The following DNAH1 variants were observed in gnomAD, a reference collection of about 807,000 sequenced individuals.
The protein encoded by DNAH1 is axonemal beta dynein heavy chain 1.
In DNAH1, 327 loss-of-function variants were observed where a neutral mutation model predicts 484.3. That is an observed-to-expected ratio of 0.68 (90% CI 0.62 to 0.74). DNAH1 has a LOEUF of 0.74. Ranked by LOEUF, DNAH1 falls within the 30% of genes least tolerant of loss-of-function variation. The pLI is 0.00. For synonymous variants in DNAH1, 2,192 were observed against 2,191.9 expected (o/e 1.00, Z 0.00); for missense variants, 5,052 against 5,546.8 (o/e 0.91, Z 2.83).
Position 52,354,919 on chromosome 3 carries a change from T to G in DNAH1, c.3557T>G (p.Ile1186Ser). 1 of 1,613,930 alleles carries G rather than the reference T, an allele frequency of 6.2e-7. No homozygotes were observed. The highest frequency in any genetic ancestry group is 8.5e-7 in the Non-Finnish European group (1 of 1,179,876). ...CCCTACAAGGCGACAGACACCTACA[T>G]CCTGAAGAGCCCGGACGAGGCCTCA... is the stretch of plus-strand genomic sequence containing the variant. ...VLPYKATDTY[I>S]LKSPDEASQL... Residue 1186 changes from isoleucine (I) to serine (S), a missense_variant, in exon 21 of 78, where the codon ATC becomes AGC. Physicochemically the swap from Ile to Ser is moderately radical, Grantham distance 142 (BLOSUM62 -2). This residue lies in a region of DNAH1 where 2,929 missense variants were observed against 3,409.4 expected (regional missense o/e 0.86). Transcript: ENST00000420323.
Position 52,383,578 on chromosome 3 carries a change from A to C in DNAH1, c.8134A>C (p.Met2712Leu). The C allele has an allele frequency of 6.3e-7, 1 of 1,594,326 alleles. No homozygotes were observed. The highest frequency in any genetic ancestry group is 8.5e-7 in the Non-Finnish European group (1 of 1,170,008). The change falls in exon 51 of 78, where the codon ATG (methionine) becomes CTG (leucine). Residue 2712 changes from methionine (M) to leucine (L), a missense_variant. Physicochemically the swap from Met to Leu is conservative, Grantham distance 15 (BLOSUM62 2). Around this residue, in one of 4 missense-constraint regions of DNAH1, gnomAD observed 2,929 missense variants for 3,409.4 expected, o/e 0.86. Coordinates refer to ENST00000420323, the MANE Select transcript of DNAH1 (RefSeq NM_015512.5). ...AGGGCGTGTGCGCAGCAACATCCAC[A>C]TGGTGCTGTGCATGAGGTACAGGCA... is the stretch of plus-strand genomic sequence containing the variant. ...YTGRVRSNIH[M>L]VLCMSPIGEV...
chr3:52,346,174 A>C (rs1578110805), intron 10 of DNAH1, among the ~76,000 whole-genome samples: 1 of 151,872 alleles, frequency 6.6e-6, no homozygotes, highest in East Asian at 1.9e-4. Flanking sequence ...TGCTTCTCTC[A>C]TCTCAATCTC....
chr3:52,374,544 C>G (rs181599571), intron 44 of DNAH1: 3 of 1,497,392 alleles, frequency 2.0e-6, no homozygotes, highest in Non-Finnish European at 2.8e-6. Flanking sequence ...GCCCCTCTTC[C>G]GGCAGTTGGC....
chr3:52,314,803 T>C (rs1700895519), upstream of DNAH1, among the ~76,000 whole-genome samples: 1 of 152,014 alleles, frequency 6.6e-6, no homozygotes, highest in African/African-American at 2.4e-5. Context: ...TGGAAGATCA[T>C]AGAAAAACAA....
At chr3:52,359,733 G>A (rs758527373) in intron 26 of DNAH1, among the ~76,000 whole-genome samples, 183 bp from the exon 27 acceptor site, 1 of 152,248 alleles carries the variant, frequency 6.6e-6, no homozygotes, top group Non-Finnish European at 1.5e-5. Flanking sequence ...GCAGACGCCA[G>A]GCATGTGCCT....
In DNAH1 at chr3:52,370,766, G is replaced by C; in HGVS notation, c.6466G>C (p.Glu2156Gln). Residue 2156 changes from glutamate (E) to glutamine (Q), a missense_variant, in exon 41 of 78, where the codon GAG becomes CAG. Around this residue, in one of 4 missense-constraint regions of DNAH1, gnomAD observed 2,929 missense variants for 3,409.4 expected, o/e 0.86. Coordinates refer to ENST00000420323, the MANE Select transcript of DNAH1 (RefSeq NM_015512.5). ...GGGGCTGGTGTTCGATTACAGGCTG[G>C]AGGACGCGGGCATCAGTGGCACCAA... is the stretch of plus-strand genomic sequence containing the variant. ...EEGLVFDYRL[E>Q]DAGISGTNDS... The C allele has an allele frequency of 6.2e-7, 1 of 1,608,284 alleles. No individual in the cohort carries two copies. Among genetic ancestry groups the C allele is most frequent in the Non-Finnish European group, 8.5e-7 (1 of 1,177,702 alleles).
chr3:52,358,732 C>A lies in DNAH1; in HGVS notation c.4261C>A (p.Pro1421Thr), dbSNP rs1702724857. Residue 1421 changes from proline (P) to threonine (T), a missense_variant, in exon 25 of 78, where the codon CCC becomes ACC. Coordinates refer to ENST00000420323, the MANE Select transcript of DNAH1 (RefSeq NM_015512.5). The surrounding 1 kb of genome is among the most constrained non-coding windows in gnomAD (Gnocchi z 4.2). ...DIIEKAIRAY[P>T]TMPRTQWVLN... ...CATTGAGAAGGCCATCAGGGCCTAC[C>A]CCACGGTGAGCCGCCCGCAGCCCGT... 3.7e-6 allele frequency: 6 copies of A among 1,612,166 alleles called. No individual in the cohort carries two copies. In the African/African-American group the frequency reaches 5.3e-5, roughly 14 times the overall value.
rs1704661148 is a variant in DNAH1 at position 52,396,941 on chromosome 3, TG to T, written c.11685del (p.Met3895IlefsTer93). ...GATGACTGGGACCGGCGCTGCATCA[TG>T]AACATCTTGGAGGACTTCTACAACC... ...VTDDWDRRCIMNILEDFYNPD... is the reference protein window; with the variant it reads ...VTDDWDRRCIXNILEDFYNPD... On this transcript the variant is annotated frameshift_variant, in exon 73 of 78. Transcript: ENST00000420323. LOFTEE classifies it high-confidence loss of function. The T allele has an allele frequency of 6.2e-7, 1 of 1,604,332 alleles. No homozygotes were observed.
chr3:52,343,756 CAG>C (rs1702033057), intron 8 of DNAH1, among the ~76,000 whole-genome samples: 1 of 152,140 alleles, frequency 6.6e-6, no homozygotes, highest in African/African-American at 2.4e-5. Flanking sequence ...ACTCAAGGAA[CAG>C]AAAGGCCTGT....
chr3:52,321,919 G>A (rs1701163090), intron 1 of DNAH1, among the ~76,000 whole-genome samples: 2 of 152,156 alleles, frequency 1.3e-5, no homozygotes, highest in Non-Finnish European at 2.9e-5. Flanking sequence ...GTGCTAGGGA[G>A]GCTCATGCAC....
In DNAH1 at chr3:52,361,068, G is replaced by A; in HGVS notation, c.4686-96G>A. The A allele has an allele frequency of 8.2e-7, 1 of 1,225,208 alleles. No individual in the cohort carries two copies. The highest frequency in any genetic ancestry group is 3.0e-5 in the East Asian group (1 of 33,106). The allele number at this position is 1,225,208 out of a possible 1,614,324, so 75.9% of individuals were successfully genotyped here. On this transcript the variant is annotated intron_variant, in intron 28 of 77. Coordinates refer to ENST00000420323, the MANE Select transcript of DNAH1 (RefSeq NM_015512.5). The surrounding 1 kb of genome is among the most constrained non-coding windows in gnomAD (Gnocchi z 5.6). ...GGCACACCCCAGCCCACCAAAAGGGGACGGGGCGAGAGGCCCCAGTCCACA... is the reference window on the plus strand; with the variant it reads ...GGCACACCCCAGCCCACCAAAAGGGAACGGGGCGAGAGGCCCCAGTCCACA...
chr3:52,352,545 C>T lies in DNAH1; in HGVS notation c.2872-7C>T, dbSNP rs1702428328. On this transcript the variant is annotated splice_region_variant and splice_polypyrimidine_tract_variant and intron_variant, in intron 17 of 77. Coordinates refer to ENST00000420323, the MANE Select transcript of DNAH1 (RefSeq NM_015512.5). ...GGGCATCTGACCCATTGCTCCTTGG[C>T]CTGCAGCTGGTAGTAGCTGGCTTCT... 1 of 1,606,376 alleles carries T rather than the reference C, an allele frequency of 6.2e-7. No homozygotes were observed. The highest frequency in any genetic ancestry group is 1.3e-5 in the African/African-American group (1 of 74,624).
chr3:52,375,543 C>A (rs1319137169), intron 45 of DNAH1, 130 bp downstream of exon 45: 1 of 960,730 alleles, frequency 1.0e-6, no homozygotes, highest in Non-Finnish European at 1.5e-6. Context: ...GGGTTCACCT[C>A]TCACTCAGCT....
chr3:52,345,524 TG>T lies in DNAH1; in HGVS notation c.1477del (p.Glu493SerfsTer24). The T allele has an allele frequency of 1.3e-6, 2 of 1,575,232 alleles. No homozygotes were observed. The highest frequency in any genetic ancestry group is 1.7e-6 in the Non-Finnish European group (2 of 1,159,606). On this transcript the variant is annotated frameshift_variant, in exon 10 of 78. Transcript: ENST00000420323. LOFTEE classifies it high-confidence loss of function. ...GLVSVPKYHF[W>X]EQKEDFTFVS... ...GGTGAGTGTCCCCAAGTACCACTTC[TG>T]GGAGCAGAAGGAGGACTTCACTTTC...
At position 52,359,312 on chromosome 3, in the gene DNAH1, T is replaced by C. The variant is rs1207517478; in HGVS notation, c.4333T>C (p.Trp1445Arg). ...GACCATCGCTGGGTGCCAGACCTAC[T>C]GGACCATGGAGGTGGCAGAGGCTCT... is the stretch of plus-strand genomic sequence containing the variant. ...QVTIAGCQTYWTMEVAEALEA... is the reference protein window; with the variant it reads ...QVTIAGCQTYRTMEVAEALEA... Residue 1445 changes from tryptophan (W) to arginine (R), a missense_variant, in exon 26 of 78, where the codon TGG (tryptophan) becomes CGG (arginine). Physicochemically the swap from Trp to Arg is moderately radical, Grantham distance 101 (BLOSUM62 -3). This residue lies in a region of DNAH1 where 2,929 missense variants were observed against 3,409.4 expected (regional missense o/e 0.86). Coordinates refer to ENST00000420323, the MANE Select transcript of DNAH1 (RefSeq NM_015512.5). The C allele has an allele frequency of 4.6e-5, 72 of 1,569,414 alleles. No individual in the cohort carries two copies. Among genetic ancestry groups the C allele is most frequent in the Non-Finnish European group, 6.1e-5 (71 of 1,156,534 alleles).
In DNAH1 at chr3:52,349,412, G is replaced by T. The variant is rs1471945986; in HGVS notation, c.2518G>T (p.Val840Leu). 6.2e-7 allele frequency: 1 copy of T among 1,613,788 alleles called. No homozygotes were observed. Among genetic ancestry groups the T allele is most frequent in the South Asian group, 1.1e-5 (1 of 91,076 alleles). ...CCTTGCCAAGAACCTGCATAAGGAG[G>T]TGGATAGCGTAAGTGCCCACCTGCC... The part of the protein sequence containing the change: ...DILAKNLHKE[V>L]DSICEEFRSI... The change falls in exon 14 of 78, where the codon GTG becomes TTG. Residue 840 changes from valine (V) to leucine (L), a missense_variant. By Grantham distance (32) the Val-to-Leu change is conservative (BLOSUM62 1). Around this residue, in one of 4 missense-constraint regions of DNAH1, gnomAD observed 1,263 missense variants for 1,218.8 expected, o/e 1.04. Transcript: ENST00000420323.
At chr3:52,322,898 C>T (rs909145398) in intron 2 of DNAH1, 123 bp downstream of exon 2, 4 of 903,652 alleles carry the variant, frequency 4.4e-6, no homozygotes, top group Non-Finnish European at 6.9e-6. Flanking sequence ...TCGATCTATC[C>T]ATCTGTCTTT....
chr3:52,383,768 A>G, intron 51 of DNAH1, 92 bp from the exon 52 acceptor site: 2 of 1,459,346 alleles, frequency 1.4e-6, no homozygotes, highest in Non-Finnish European at 1.8e-6. Flanking sequence ...CCTGGCTGCC[A>G]TGCCACAGGG....
intron 1 of DNAH1, among the ~76,000 whole-genome samples, chr3:52,316,998 A>T (rs560677309): frequency 6.6e-6 from 1 of 152,348 alleles, no homozygotes; most frequent in African/African-American, 2.4e-5. Flanking sequence ...AGACTAGTAC[A>T]TGGACATCTG....
Sources: allele counts gnomAD v4.1 joint callset (sites outside exome capture counted in the v4.1 genomes callset), GRCh38; gene constraint gnomAD v4.1.1; regional missense constraint gnomAD v4.1.1; non-coding constraint Gnocchi (gnomAD v3.1); transcripts MANE v1.5; gene names NCBI Gene and HGNC (gene_info 2026-07-23, HGNC 2026-07-21).